INPP4B: variants seen among roughly 807,000 people sequenced by gnomAD.
INPP4B encodes the protein inositol polyphosphate-4-phosphatase type II B.
Under a neutral mutation model 122.5 loss-of-function variants are expected in INPP4B, and 55 were observed. The ratio of observed to expected loss-of-function variants is 0.45; its 90% CI spans 0.36 to 0.56. The LOEUF (loss-of-function observed/expected upper bound fraction) is 0.56, where lower values mean the gene tolerates loss of function less well. Among genes scored for constraint, INPP4B ranks in the 20% least tolerant of loss-of-function variants. The pLI, the probability that INPP4B is intolerant of heterozygous loss-of-function variation, is 0.00. For synonymous variants in INPP4B, 403 were observed against 388.7 expected, an observed-to-expected ratio of 1.04 and a Z score of -0.43; for missense variants, 1,000 against 1,097.7, an observed-to-expected ratio of 0.91 and a Z score of 1.26.
chr4:142,618,412 T>A (rs1407234283), intron 2 of INPP4B, among the ~76,000 whole-genome samples: 1 of 152,006 alleles, frequency 6.6e-6, no homozygotes, highest in East Asian at 1.9e-4. Flanking sequence ...AATGGAGAAC[T>A]CCTGAAATAA....
At chr4:142,841,321 T>C (rs550619993) in intron 1 of INPP4B, among the ~76,000 whole-genome samples, 2 of 152,136 alleles carry the variant, frequency 1.3e-5, no homozygotes, top group East Asian at 3.9e-4. Context: ...CAGCATTGAA[T>C]AGTTTTTGTG....
chr4:142,649,095 C>A (rs187384682), intron 2 of INPP4B, among the ~76,000 whole-genome samples: 13 of 152,280 alleles, frequency 8.5e-5, no homozygotes, highest in Admixed American at 8.5e-4. Flanking sequence ...GAGTGGACTT[C>A]CAGCAAACTT....
intron 11 of INPP4B, among the ~76,000 whole-genome samples, chr4:142,260,239 C>T (rs1381287738): frequency 6.6e-6 from 1 of 152,178 alleles, no homozygotes; most frequent in South Asian, 2.1e-4. Context: ...CCGCCTCGGC[C>T]TCCCAAAGTG....
rs186121253 is a variant in INPP4B, at chr4:142,050,783, C to A, written c.2643-21869G>T. 2.8e-3 allele frequency among the ~76,000 whole-genome samples: 424 copies of A among 152,082 alleles called. 2 individuals are homozygous for A. The highest frequency in any genetic ancestry group is 4.1e-3 in the Non-Finnish European group (278 of 67,960). ...TCTGGCATATGTTAAATACCATCAT[C>A]CCTTGGTACCTACAGGTGGATTGGC... is the stretch of plus-strand genomic sequence containing the variant. On this transcript the variant is annotated intron_variant, in intron 25 of 25. Transcript: ENST00000262992.
chr4:142,512,886 C>A (rs981945054), intron 2 of INPP4B, among the ~76,000 whole-genome samples: 11 of 152,040 alleles, frequency 7.2e-5, no homozygotes, highest in African/African-American at 2.7e-4. Flanking sequence ...GAAAATTACC[C>A]AAAACCCACC....
chr4:142,512,220 T>C (rs1162790533), intron 2 of INPP4B, among the ~76,000 whole-genome samples: 1 of 152,182 alleles, frequency 6.6e-6, no homozygotes, highest in East Asian at 1.9e-4. Context: ...TTATTACTCA[T>C]TAAAAAATAG....
intron 1 of INPP4B, among the ~76,000 whole-genome samples, chr4:142,783,488 TG>T (rs1479228633): frequency 1.3e-5 from 2 of 152,170 alleles, no homozygotes; most frequent in African/African-American, 4.8e-5. Context: ...GCAATATTTA[TG>T]TTATGGGGAG....
intron 2 of INPP4B, among the ~76,000 whole-genome samples, chr4:142,566,522 A>G (rs1198491247): frequency 6.6e-6 from 1 of 152,196 alleles, no homozygotes; most frequent in Non-Finnish European, 1.5e-5. Flanking sequence ...TTTCAGGCAG[A>G]TATTTGAAGG....
chr4:142,116,167 C>T (rs916460600), intron 21 of INPP4B, among the ~76,000 whole-genome samples: 2 of 152,084 alleles, frequency 1.3e-5, no homozygotes, highest in Non-Finnish European at 2.9e-5. Flanking sequence ...TAAAGCAAGT[C>T]CTTTGAGAAA....
chr4:142,687,645 A>C (rs1233528875), intron 2 of INPP4B, among the ~76,000 whole-genome samples: 2 of 151,438 alleles, frequency 1.3e-5, no homozygotes, highest in East Asian at 2.0e-4. Flanking sequence ...CGGGTTCTGC[A>C]GGGCAAAGCT....
intron 2 of INPP4B, among the ~76,000 whole-genome samples, chr4:142,644,296 A>AGAG (rs974905010): frequency 6.7e-6 from 1 of 150,272 alleles, no homozygotes; most frequent in African/African-American, 2.5e-5. Flanking sequence ...AGGAGAAGGA[A>AGAG]GAGGAGGAGA....
In INPP4B at chr4:142,034,746, C is replaced by T. The variant is rs773223411; in HGVS notation, c.2643-5832G>A. Among the ~76,000 whole-genome samples, 3 of 152,164 alleles carry T rather than the reference C, an allele frequency of 2.0e-5. No homozygotes were observed. The South Asian group carries it at 6.2e-4, about 32-fold the overall frequency. ...GTCCTCTGCTCAGAGCACCAGGCACCTCCTCCTAGCCACTCCAGTCATGCT... is the reference window on the plus strand; with the variant it reads ...GTCCTCTGCTCAGAGCACCAGGCACTTCCTCCTAGCCACTCCAGTCATGCT... On this transcript the variant is annotated intron_variant, in intron 25 of 25. Transcript: ENST00000262992.
At chr4:142,816,146 C>T (rs767591133) in intron 1 of INPP4B, among the ~76,000 whole-genome samples, 63 of 152,156 alleles carry the variant, frequency 4.1e-4, no homozygotes, top group Non-Finnish European at 7.8e-4. Flanking sequence ...TGGGGAAATA[C>T]CTCTGCCTTT....
chr4:142,263,450 T>A (rs1237331369), intron 10 of INPP4B, among the ~76,000 whole-genome samples: 1 of 151,886 alleles, frequency 6.6e-6, no homozygotes, highest in African/African-American at 2.4e-5. Flanking sequence ...CCACATATTC[T>A]GTCTTCTATG....
intron 7 of INPP4B, among the ~76,000 whole-genome samples, chr4:142,339,104 T>C (rs1240959347): frequency 6.6e-6 from 1 of 152,176 alleles, no homozygotes; most frequent in African/African-American, 2.4e-5. Flanking sequence ...TTCTCTCAGT[T>C]TTCTGGAAAC....
At chr4:142,328,742 T>A (rs1579750005) in intron 7 of INPP4B, among the ~76,000 whole-genome samples, 1 of 113,708 alleles carries the variant, frequency 8.8e-6, no homozygotes. Flanking sequence ...TTTAAAATTT[T>A]GGAGTTTTTC....
At chr4:142,488,960 A>G (rs1821519825) in intron 2 of INPP4B, among the ~76,000 whole-genome samples, 1 of 152,062 alleles carries the variant, frequency 6.6e-6, no homozygotes, top group Non-Finnish European at 1.5e-5. Context: ...ACTAATATGA[A>G]GTGTGCTATC....
chr4:142,326,981 T>G (rs1220114568), intron 7 of INPP4B, among the ~76,000 whole-genome samples: 1 of 152,208 alleles, frequency 6.6e-6, no homozygotes, highest in African/African-American at 2.4e-5. Context: ...GCCCCTTCCA[T>G]GGCTGTGTGC....
intron 2 of INPP4B, among the ~76,000 whole-genome samples, chr4:142,631,177 T>A (rs990675952): frequency 2.6e-5 from 4 of 152,020 alleles, no homozygotes; most frequent in Non-Finnish European, 5.9e-5. Flanking sequence ...GATTTTAAAG[T>A]GACTAAGCTT....
Sources: allele counts gnomAD v4.1 joint callset (sites outside exome capture counted in the v4.1 genomes callset), GRCh38; gene constraint gnomAD v4.1.1; transcripts MANE v1.5; gene names NCBI Gene and HGNC (gene_info 2026-07-23, HGNC 2026-07-21).